IMMP2L: variants seen among roughly 807,000 people sequenced by gnomAD.
IMMP2L encodes mitochondrial inner membrane protease subunit 2.
In IMMP2L, 18 loss-of-function variants were observed where a neutral mutation model predicts 19.3. That is an observed-to-expected ratio of 0.93 (90% CI 0.64 to 1.38). The LOEUF is 1.38. Among genes scored for constraint, IMMP2L ranks in the 40% most tolerant of loss-of-function variants. IMMP2L has a pLI of 0.00. For missense variants in IMMP2L, 233 were observed against 218.2 expected (o/e 1.07, Z -0.43); for synonymous variants, 76 against 73.0 (o/e 1.04, Z -0.21).
At chr7:110,814,519 TA>T (rs959303284) in intron 5 of IMMP2L, among the ~76,000 whole-genome samples, 15 of 151,078 alleles carry the variant, frequency 9.9e-5, no homozygotes, top group Non-Finnish European at 1.5e-4. Flanking sequence ...CATTTATATC[TA>T]AAAAAATCAC....
chr7:110,881,196 C>G (rs1247914534), intron 5 of IMMP2L, among the ~76,000 whole-genome samples: 4 of 152,042 alleles, frequency 2.6e-5, no homozygotes, highest in Non-Finnish European at 4.4e-5. Context: ...AGAATGGGCT[C>G]TCTTTTGAGA....
intron 5 of IMMP2L, among the ~76,000 whole-genome samples, chr7:110,737,268 T>C (rs752102653): frequency 1.3e-5 from 2 of 152,144 alleles, no homozygotes; most frequent in Non-Finnish European, 1.5e-5. Flanking sequence ...GGGAGGTTTG[T>C]GGTCTGGGGC....
At chr7:110,790,168 G>T (rs1036571166) in intron 5 of IMMP2L, among the ~76,000 whole-genome samples, 2 of 151,642 alleles carry the variant, frequency 1.3e-5, no homozygotes, top group Non-Finnish European at 2.9e-5. Flanking sequence ...TACAAGCAGA[G>T]GGGAGAACAA....
At chr7:111,145,708 CTT>C (rs1471706444) in intron 3 of IMMP2L, among the ~76,000 whole-genome samples, 1 of 152,046 alleles carries the variant, frequency 6.6e-6, no homozygotes, top group Non-Finnish European at 1.5e-5. Context: ...GTTGCAAAGA[CTT>C]AAGTAATACT....
chr7:110,881,407 C>T (rs927484708), intron 5 of IMMP2L, among the ~76,000 whole-genome samples: 23 of 152,046 alleles, frequency 1.5e-4, no homozygotes, highest in African/African-American at 5.6e-4. Flanking sequence ...CAAGGTAAGG[C>T]TTTATGACTT....
chr7:110,744,447 G>A (rs1312114825), intron 5 of IMMP2L, among the ~76,000 whole-genome samples: 2 of 152,170 alleles, frequency 1.3e-5, no homozygotes, highest in Non-Finnish European at 2.9e-5. Context: ...TGTGTATCCT[G>A]ACTAGGAGAC....
intron 3 of IMMP2L, among the ~76,000 whole-genome samples, chr7:111,222,799 C>A (rs1325426857): frequency 6.6e-6 from 1 of 151,816 alleles, no homozygotes; most frequent in African/African-American, 2.4e-5. Context: ...AAATGTATAC[C>A]AAAGACCTGG....
intron 3 of IMMP2L, among the ~76,000 whole-genome samples, chr7:111,476,307 T>G (rs554301638): frequency 6.6e-6 from 1 of 152,302 alleles, no homozygotes; most frequent in East Asian, 1.9e-4. Context: ...AAAATAATAC[T>G]TTTTAAATTA....
intron 3 of IMMP2L, among the ~76,000 whole-genome samples, chr7:111,465,859 TAA>T (rs956670949): frequency 1.3e-5 from 2 of 152,090 alleles, no homozygotes; most frequent in Non-Finnish European, 2.9e-5. Flanking sequence ...CATGCTGCTA[TAA>T]AGACACATGC....
At chr7:111,081,123 A>C (rs1795855115) in intron 3 of IMMP2L, among the ~76,000 whole-genome samples, 1 of 152,158 alleles carries the variant, frequency 6.6e-6, no homozygotes, top group African/African-American at 2.4e-5. Context: ...GGGCCTTTTT[A>C]GTGGTGTTGG....
chr7:110,773,061 C>T (rs868012736), intron 5 of IMMP2L, among the ~76,000 whole-genome samples: 2 of 151,710 alleles, frequency 1.3e-5, no homozygotes, highest in East Asian at 1.9e-4. Flanking sequence ...TATATATTCC[C>T]AAGGCAATGT....
chr7:111,437,976 T>C (rs1336689568), intron 3 of IMMP2L, among the ~76,000 whole-genome samples: 1 of 151,852 alleles, frequency 6.6e-6, no homozygotes, highest in African/African-American at 2.4e-5. Context: ...AAACCCTCTC[T>C]AGGCATGCAT....
intron 3 of IMMP2L, among the ~76,000 whole-genome samples, chr7:111,058,347 A>G (rs1402509205): frequency 6.6e-6 from 1 of 152,198 alleles, no homozygotes; most frequent in Non-Finnish European, 1.5e-5. Flanking sequence ...TTTTACACTC[A>G]TTTCTAAAAT....
intron 5 of IMMP2L, among the ~76,000 whole-genome samples, chr7:110,737,220 A>G (rs565732362): frequency 3.9e-5 from 6 of 152,284 alleles, no homozygotes; most frequent in African/African-American, 1.4e-4. Context: ...GCTCCCTGAG[A>G]TGCCAAAAAA....
intron 5 of IMMP2L, among the ~76,000 whole-genome samples, chr7:110,721,789 G>T (rs948736386): frequency 6.6e-6 from 1 of 152,050 alleles, no homozygotes; most frequent in Non-Finnish European, 1.5e-5. Flanking sequence ...TGTGCTTACC[G>T]GAAGGGACTG....
chr7:111,057,672 C>A (rs1421907951), intron 3 of IMMP2L, among the ~76,000 whole-genome samples: 1 of 152,144 alleles, frequency 6.6e-6, no homozygotes, highest in African/African-American at 2.4e-5. Context: ...ATAAATATAT[C>A]CTTTCATATT....
intron 3 of IMMP2L, among the ~76,000 whole-genome samples, chr7:111,104,112 T>C (rs1798277308): frequency 6.6e-6 from 1 of 151,734 alleles, no homozygotes; most frequent in Non-Finnish European, 1.5e-5. Flanking sequence ...TGGGCCTATA[T>C]TCAGGCAACT....
chr7:110,794,984 G>A (rs2131173323), intron 5 of IMMP2L, among the ~76,000 whole-genome samples: 1 of 152,118 alleles, frequency 6.6e-6, no homozygotes, highest in South Asian at 2.1e-4. Context: ...TTTGACTTCT[G>A]GCTCACTGCT....
intron 3 of IMMP2L, chr7:111,122,653 A>G: frequency 1.3e-6 from 1 of 778,376 alleles, no homozygotes; most frequent in Non-Finnish European, 2.1e-6. Context: ...TTGTGGTTCT[A>G]TGGCATTCAT....
Sources: gnomAD v4.1 joint callset for allele counts (sites outside exome capture counted in the v4.1 genomes callset) on GRCh38, gnomAD v4.1.1 for gene constraint, MANE v1.5 for transcripts, NCBI Gene and HGNC (gene_info 2026-07-23, HGNC 2026-07-21) for gene names.